Variants in SLC10A6 observed in about 807,000 individuals in gnomAD.
SLC10A6 encodes solute carrier family 10 member 6, also known as sodium-dependent organic anion transporter.
In SLC10A6, 27 loss-of-function variants were observed where a neutral mutation model predicts 30.0. The ratio of observed to expected loss-of-function variants is 0.90; its 90% CI spans 0.66 to 1.24. The LOEUF (loss-of-function observed/expected upper bound fraction) is 1.24, where lower values mean the gene tolerates loss of function less well. Among genes scored for constraint, SLC10A6 ranks in the 50% most tolerant of loss-of-function variants. SLC10A6 has a pLI of 0.00. For missense variants in SLC10A6, 439 were observed against 457.0 expected (o/e 0.96, Z 0.36); for synonymous variants, 166 against 173.8 (o/e 0.95, Z 0.36).
intron 5 of SLC10A6, among the ~76,000 whole-genome samples, 150 bp downstream of exon 5, chr4:86,825,266 CCTGT>C (rs1745959273): frequency 6.6e-6 from 1 of 152,154 alleles, no homozygotes; most frequent in Admixed American, 6.5e-5. Context: ...GCCAAACTAT[CCTGT>C]CTATGTGCCT....
intron 2 of SLC10A6, among the ~76,000 whole-genome samples, chr4:86,832,947 G>C (rs898509489): frequency 2.0e-5 from 3 of 152,064 alleles, no homozygotes; most frequent in African/African-American, 7.2e-5. Flanking sequence ...TTGCTTTATA[G>C]TCTAATTACA....
intron 1 of SLC10A6, among the ~76,000 whole-genome samples, chr4:86,845,168 T>G (rs1746371606): frequency 6.6e-6 from 1 of 152,194 alleles, no homozygotes; most frequent in African/African-American, 2.4e-5. Flanking sequence ...AGGATAATTT[T>G]TAAGGCTCTT....
chr4:86,828,300 T>A, intron 3 of SLC10A6, 132 bp from the exon 4 acceptor site: 1 of 925,092 alleles, frequency 1.1e-6, no homozygotes, highest in Non-Finnish European at 1.5e-6. Context: ...GATGACTAAA[T>A]ACAATTTCAT....
intron 1 of SLC10A6, among the ~76,000 whole-genome samples, chr4:86,835,555 T>C (rs962164428): frequency 3.3e-5 from 5 of 151,976 alleles, no homozygotes; most frequent in Non-Finnish European, 7.4e-5. Flanking sequence ...TAATCCCAGC[T>C]ACTTGGTAGG....
rs577422625 is a variant in SLC10A6 at position 86,836,827 on chromosome 4, G to A, written c.378-3403C>T. 1.4e-4 allele frequency among the ~76,000 whole-genome samples: 21 copies of A among 151,950 alleles called. No individual in the cohort carries two copies. In the East Asian group the frequency reaches 3.5e-3, roughly 25 times the overall value. ...GGCTGGAGTGCAGTGGCGCAATCTC[G>A]GCTCACTGCAACCTCCACCTCCTGG... On this transcript the variant is annotated intron_variant, in intron 1 of 5. Transcript: ENST00000273905.
intron 1 of SLC10A6, among the ~76,000 whole-genome samples, chr4:86,843,953 C>A (rs1176844663): frequency 6.6e-6 from 1 of 151,806 alleles, no homozygotes; most frequent in Non-Finnish European, 1.5e-5. Context: ...CTGAGGTGGG[C>A]GGATCATGAG....
chr4:86,841,489 T>C (rs1746288125), intron 1 of SLC10A6, among the ~76,000 whole-genome samples: 1 of 152,206 alleles, frequency 6.6e-6, no homozygotes, highest in Non-Finnish European at 1.5e-5. Flanking sequence ...TGACTTTTCA[T>C]GTATAGGAAA....
chr4:86,844,406 A>T (rs907382588), intron 1 of SLC10A6, among the ~76,000 whole-genome samples: 1 of 152,114 alleles, frequency 6.6e-6, no homozygotes, highest in Non-Finnish European at 1.5e-5. Context: ...AATGCCCCCT[A>T]TTCTTCACCC....
At chr4:86,843,945 G>A (rs1746350647) in intron 1 of SLC10A6, among the ~76,000 whole-genome samples, 1 of 152,154 alleles carries the variant, frequency 6.6e-6, no homozygotes, top group African/African-American at 2.4e-5. Context: ...TTGGGAGGCT[G>A]AGGTGGGCGG....
Position 86,823,691 on chromosome 4 carries a change from T to G in SLC10A6, c.1131A>C (p.Glu377Asp). The change falls in exon 6 of 6, where the codon GAA becomes GAC. Residue 377 changes from glutamate to aspartate, a missense_variant. Glu to Asp is a conservative substitution (Grantham distance 45). Coordinates refer to ENST00000273905, the MANE Select transcript of SLC10A6 (RefSeq NM_197965.3). Reference sequence around the variant, plus strand: ...CAGTCCAGCCAGCTAGTCCCTGCTATTCACATGAAGTGATGTGGCCAACTG... The same window carrying G: ...CAGTCCAGCCAGCTAGTCCCTGCTAGTCACATGAAGTGATGTGGCCAACTG... ...LEPVGHITSC[E>D] 2 of 1,601,226 alleles carry G rather than the reference T, an allele frequency of 1.2e-6. No individual in the cohort carries two copies. The highest frequency in any genetic ancestry group is 1.7e-6 in the Non-Finnish European group (2 of 1,173,976).
intron 3 of SLC10A6, among the ~76,000 whole-genome samples, chr4:86,831,041 T>C (rs1746071697): frequency 6.6e-6 from 1 of 152,192 alleles, no homozygotes; most frequent in African/African-American, 2.4e-5. Context: ...GGCATGATAA[T>C]GGCTCACTGT....
chr4:86,827,865 G>T (rs1746021734), intron 4 of SLC10A6, 128 bp downstream of exon 4: 4 of 749,170 alleles, frequency 5.3e-6, no homozygotes, highest in East Asian at 6.0e-5. Flanking sequence ...TTTATGCTTA[G>T]TTATCCTGTC....
At chr4:86,841,360 A>G (rs1298545564) in intron 1 of SLC10A6, among the ~76,000 whole-genome samples, 5 of 152,228 alleles carry the variant, frequency 3.3e-5, no homozygotes, top group Non-Finnish European at 7.4e-5. Context: ...TACAAATACC[A>G]GCAAAGGTGG....
At chr4:86,831,279 A>G (rs1746077214) in intron 3 of SLC10A6, among the ~76,000 whole-genome samples, 1 of 152,234 alleles carries the variant, frequency 6.6e-6, no homozygotes, top group South Asian at 2.1e-4. Context: ...TGCTTCCTGG[A>G]TGATTTCATT....
intron 1 of SLC10A6, among the ~76,000 whole-genome samples, chr4:86,841,843 C>A (rs942931744): frequency 6.6e-6 from 1 of 152,110 alleles, no homozygotes. Flanking sequence ...CAGATGGACA[C>A]GGAGTGAGCT....
chr4:86,825,158 C>G (rs1003652386), intron 5 of SLC10A6, among the ~76,000 whole-genome samples: 1 of 152,158 alleles, frequency 6.6e-6, no homozygotes, highest in African/African-American at 2.4e-5. Flanking sequence ...AGTCTAAGTT[C>G]TGATAGTGGA....
At chr4:86,846,901 G>A (rs764219086) in intron 1 of SLC10A6, among the ~76,000 whole-genome samples, 2 of 152,106 alleles carry the variant, frequency 1.3e-5, no homozygotes, top group Admixed American at 6.5e-5. Flanking sequence ...ATAAGAGTTG[G>A]CAAAAGAAAG....
chr4:86,837,680 T>C (rs1030707782), intron 1 of SLC10A6: 16 of 941,974 alleles, frequency 1.7e-5, no homozygotes, highest in Non-Finnish European at 2.0e-5. Flanking sequence ...ATAGAACCAG[T>C]GAAAGAATGC....
intron 1 of SLC10A6, among the ~76,000 whole-genome samples, chr4:86,842,820 T>TTTGAGA (rs1746318425): frequency 4.0e-5 from 2 of 49,482 alleles, no homozygotes; most frequent in African/African-American, 4.0e-4. Flanking sequence ...CTTTCTTTCT[T>TTTGAGA]TCTTTCTTTC....
Sources: gnomAD v4.1 joint callset for allele counts (sites outside exome capture counted in the v4.1 genomes callset) on GRCh38, gnomAD v4.1.1 for gene constraint, MANE v1.5 for transcripts, NCBI Gene and HGNC (gene_info 2026-07-23, HGNC 2026-07-21) for gene names.